MTF1: variants seen among roughly 807,000 people sequenced by gnomAD.
MTF1 encodes the protein metal regulatory transcription factor 1.
In MTF1, 22 loss-of-function variants were observed where a neutral mutation model predicts 70.4. The ratio of observed to expected loss-of-function variants is 0.31; its 90% CI spans 0.22 to 0.45. MTF1 has a LOEUF of 0.45. Among genes scored for constraint, MTF1 ranks in the 20% least tolerant of loss-of-function variants. The pLI is 1.00. For missense variants in MTF1, 649 were observed against 922.0 expected (o/e 0.70, Z 3.83); for synonymous variants, 333 against 352.8 (o/e 0.94, Z 0.63).
chr1:37,817,503 C>A (rs377584474), intron 9 of MTF1, 21 bp from the exon 10 acceptor site: 1 of 1,577,680 alleles, frequency 6.3e-7, no homozygotes, highest in African/African-American at 1.3e-5. Flanking sequence ...AAAAAGAAAT[C>A]TCATTTATAG....
chr1:37,848,084 T>C (rs949292394), intron 2 of MTF1, among the ~76,000 whole-genome samples: 2 of 152,204 alleles, frequency 1.3e-5, no homozygotes, highest in Admixed American at 6.5e-5. Flanking sequence ...TGGAACCTAA[T>C]CACAATTTAT....
At chr1:37,851,409 T>A (rs1242121594) in intron 2 of MTF1, among the ~76,000 whole-genome samples, 1 of 152,212 alleles carries the variant, frequency 6.6e-6, no homozygotes, top group Non-Finnish European at 1.5e-5. Flanking sequence ...GCAAATAGAA[T>A]AAACCAATTT....
At chr1:37,835,450 G>GT (rs35966948) in intron 5 of MTF1, among the ~76,000 whole-genome samples, 3 of 150,994 alleles carry the variant, frequency 2.0e-5, no homozygotes, top group African/African-American at 4.9e-5. Context: ...CTCACAGGTT[G>GT]TTTTTTTTTA....
At chr1:37,848,713 C>G (rs1268415452) in intron 2 of MTF1, among the ~76,000 whole-genome samples, 3 of 152,188 alleles carry the variant, frequency 2.0e-5, no homozygotes, top group Non-Finnish European at 4.4e-5. Flanking sequence ...CACATGCAGA[C>G]ACACTGATAA....
intron 2 of MTF1, among the ~76,000 whole-genome samples, chr1:37,854,543 A>G (rs545491286): frequency 6.6e-6 from 1 of 152,346 alleles, no homozygotes; most frequent in African/African-American, 2.4e-5. Flanking sequence ...ACAATACAAA[A>G]TGTTTCTAGA....
At chr1:37,850,735 G>A (rs534849024) in intron 2 of MTF1, among the ~76,000 whole-genome samples, 5 of 152,094 alleles carry the variant, frequency 3.3e-5, no homozygotes, top group African/African-American at 7.2e-5. Context: ...TATTTTTTGC[G>A]CAAGACAAGC....
At chr1:37,839,166 T>A (rs984675828) in intron 3 of MTF1, among the ~76,000 whole-genome samples, 1 of 152,126 alleles carries the variant, frequency 6.6e-6, no homozygotes, top group Non-Finnish European at 1.5e-5. Context: ...CAGGATCAAG[T>A]GCGTAAGAAT....
chr1:37,829,739 C>T (rs111765978), intron 7 of MTF1, among the ~76,000 whole-genome samples: 5 of 151,130 alleles, frequency 3.3e-5, no homozygotes, highest in African/African-American at 1.2e-4. Flanking sequence ...GAGGCGAGAT[C>T]GCGCTACTGC....
chr1:37,818,971 C>A (rs1431321435), intron 9 of MTF1, among the ~76,000 whole-genome samples: 1 of 149,086 alleles, frequency 6.7e-6, no homozygotes, highest in African/African-American at 2.5e-5. Flanking sequence ...CCAGCCTGGA[C>A]AACAGAGTGA....
intron 6 of MTF1, chr1:37,834,820 A>G (rs1314712751): frequency 5.1e-6 from 3 of 583,378 alleles, no homozygotes; most frequent in Non-Finnish European, 9.4e-6. Flanking sequence ...CTAGAAAACC[A>G]GAGCCGCCAT....
At chr1:37,839,849 A>C (rs1215682861) in intron 3 of MTF1, 71 bp downstream of exon 3, 12 of 1,241,816 alleles carry the variant, frequency 9.7e-6, no homozygotes, top group Non-Finnish European at 1.4e-5. Context: ...CTCCTCTGCA[A>C]GGGGAAAGAG....
At chr1:37,818,760 C>A (rs961452362) in intron 9 of MTF1, among the ~76,000 whole-genome samples, 1 of 151,180 alleles carries the variant, frequency 6.6e-6, no homozygotes, top group Non-Finnish European at 1.5e-5. Context: ...TATGGGAGGC[C>A]GAGGCGGGCA....
chr1:37,816,922 A>G (rs1640826715), intron 10 of MTF1, among the ~76,000 whole-genome samples: 1 of 152,160 alleles, frequency 6.6e-6, no homozygotes, highest in Non-Finnish European at 1.5e-5. Flanking sequence ...GAGGCCTGAC[A>G]ACTAGTGCTT....
At chr1:37,847,001 T>A (rs1257994795) in intron 2 of MTF1, among the ~76,000 whole-genome samples, 2 of 152,166 alleles carry the variant, frequency 1.3e-5, no homozygotes, top group Non-Finnish European at 2.9e-5. Context: ...CCTCTCTGTG[T>A]CCGACTCCAT....
chr1:37,829,580 A>T (rs1167208873), intron 7 of MTF1, among the ~76,000 whole-genome samples: 1 of 152,070 alleles, frequency 6.6e-6, no homozygotes, highest in Non-Finnish European at 1.5e-5. Context: ...CAGGAGATCG[A>T]GACCATCCTG....
At chr1:37,852,470 A>G (rs1382016268) in intron 2 of MTF1, among the ~76,000 whole-genome samples, 1 of 152,184 alleles carries the variant, frequency 6.6e-6, no homozygotes, top group Non-Finnish European at 1.5e-5. Flanking sequence ...GCATGCACAC[A>G]GCACTTCGAA....
chr1:37,857,697 C>A lies in MTF1; in HGVS notation c.-39G>T, dbSNP rs369438955. On this transcript the variant is annotated 5_prime_UTR_variant, in exon 2 of 11. Transcript: ENST00000373036. ...TCAGCCCAGTTGTGAGAAATGAAAA[C>A]GTAATGACTTGTCTGCAACAGAACA... is the stretch of plus-strand genomic sequence containing the variant. The A allele has an allele frequency of 6.3e-6, 10 of 1,594,464 alleles. No homozygotes were observed. The highest frequency in any genetic ancestry group is 1.7e-5 in the Admixed American group (1 of 59,016).
intron 1 of MTF1, among the ~76,000 whole-genome samples, chr1:37,858,015 T>TTAA (rs553760406): frequency 1.6e-5 from 2 of 124,046 alleles, no homozygotes; most frequent in African/African-American, 6.6e-5. Flanking sequence ...CCATCTCTAA[T>TTAA]AAAAAAAAAA....
chr1:37,831,706 G>A (rs1206420235), intron 7 of MTF1, among the ~76,000 whole-genome samples: 1 of 151,956 alleles, frequency 6.6e-6, no homozygotes, highest in African/African-American at 2.4e-5. Context: ...AGCAGATAGA[G>A]GCCTCTATAT....
Sources: gnomAD v4.1 joint callset for allele counts (sites outside exome capture counted in the v4.1 genomes callset) on GRCh38, gnomAD v4.1.1 for gene constraint, MANE v1.5 for transcripts, NCBI Gene and HGNC (gene_info 2026-07-23, HGNC 2026-07-21) for gene names.